The following RADIL variants were observed in gnomAD, a reference collection of about 807,000 sequenced individuals.
RADIL encodes the protein ras-associating and dilute domain-containing protein.
Under a neutral mutation model 97.6 loss-of-function variants are expected in RADIL, and 99 were observed. The observed-to-expected ratio is 1.01, with a 90% CI of 0.86 to 1.20. The LOEUF (loss-of-function observed/expected upper bound fraction) is 1.20, where lower values mean the gene tolerates loss of function less well. Among genes scored for constraint, RADIL ranks in the 50% most tolerant of loss-of-function variants. RADIL has a pLI of 0.00. For missense variants in RADIL, 1,765 were observed against 1,498.9 expected, an observed-to-expected ratio of 1.18 and a Z score of -2.93; for synonymous variants, 803 against 691.8, an observed-to-expected ratio of 1.16 and a Z score of -2.52.
chr7:4,843,988 A>G (rs575141046), intron 2 of RADIL, among the ~76,000 whole-genome samples: 9 of 152,016 alleles, frequency 5.9e-5, no homozygotes, highest in Non-Finnish European at 1.2e-4. Flanking sequence ...TTTGGGAACC[A>G]ATTCTGCCAT....
rs977167806 is a variant in RADIL at position 4,810,073 on chromosome 7, G to A, written c.2140-4357C>T. Among the ~76,000 whole-genome samples, 7 of 152,090 alleles carry A rather than the reference G, an allele frequency of 4.6e-5. No individual in the cohort carries two copies. The East Asian group carries it at 1.3e-3, about 29-fold the overall frequency. ...TTTCAGTGGTGGCCAGGCTGGTCTC[G>A]AACTCCTGACCTCAGGTGATCCACC... is the stretch of plus-strand genomic sequence containing the variant. On this transcript the variant is annotated intron_variant, in intron 9 of 14. Coordinates refer to ENST00000399583, the MANE Select transcript of RADIL (RefSeq NM_018059.5).
At chr7:4,800,879 AG>A (rs887780111) in intron 12 of RADIL, among the ~76,000 whole-genome samples, 15 of 152,202 alleles carry the variant, frequency 9.9e-5, no homozygotes, top group African/African-American at 3.6e-4. Flanking sequence ...CCCAAGCCAC[AG>A]GGGACACTCT....
At chr7:4,875,251 C>T (rs1045502919) in intron 2 of RADIL, among the ~76,000 whole-genome samples, 17 of 122,376 alleles carry the variant, frequency 1.4e-4, no homozygotes, top group Middle Eastern at 7.2e-3. Context: ...ATTAGCCGGG[C>T]GTGGTGGTGG....
chr7:4,844,547 T>TAATTAAC (rs1783524347), intron 2 of RADIL, among the ~76,000 whole-genome samples: 1 of 152,222 alleles, frequency 6.6e-6, no homozygotes, highest in Non-Finnish European at 1.5e-5. Context: ...AAAATTATTA[T>TAATTAAC]AATTAACAAG....
At chr7:4,859,975 G>T (rs750136773) in intron 2 of RADIL, 40 of 1,613,898 alleles carry the variant, frequency 2.5e-5, no homozygotes, top group Non-Finnish European at 3.2e-5. Context: ...AAACAACTCT[G>T]GCGACCATGG....
chr7:4,853,073 A>T (rs4724112), intron 2 of RADIL, among the ~76,000 whole-genome samples: 2 of 151,836 alleles, frequency 1.3e-5, no homozygotes, highest in Non-Finnish European at 1.5e-5. Context: ...TAAGAGGATG[A>T]GACTGGGGGA....
rs866583276 is a variant in RADIL, at chr7:4,856,708, T to G, written c.536-20103A>C. 2.6e-5 allele frequency among the ~76,000 whole-genome samples: 4 copies of G among 152,268 alleles called. 1 individual carries two copies. The highest frequency in any genetic ancestry group is 2.1e-4 in the South Asian group (1 of 4,830). On this transcript the variant is annotated intron_variant, in intron 2 of 14. Transcript: ENST00000399583. ...TACTTTGAAGTATGTTAAATATTAC[T>G]TTTGATATAGCAAGAGGTTAATTTT...
Position 4,860,683 on chromosome 7 carries a change from A to G in RADIL, c.535+16922T>C, listed in dbSNP as rs367652212. On this transcript the variant is annotated intron_variant, in intron 2 of 14. Coordinates refer to ENST00000399583, the MANE Select transcript of RADIL (RefSeq NM_018059.5). ...CTGTTGATGCACTTGCCAGAAGTAC[A>G]ATATAATGCTTGTACTTTTGAAAGA... 1.7e-5 allele frequency: 28 copies of G among 1,614,098 alleles called. No individual in the cohort carries two copies. In the East Asian group the frequency reaches 1.8e-4, roughly 10 times the overall value.
In RADIL at chr7:4,875,739, C is replaced by G. The variant is rs79870519; in HGVS notation, c.535+1866G>C. On this transcript the variant is annotated intron_variant, in intron 2 of 14. Transcript: ENST00000399583. ...TTGTTCCCGTGCAGAAAACATCCCA[C>G]CATGCGCCTCCTCCCTTTCGGGTTT... Among the ~76,000 whole-genome samples, 85 of 152,336 alleles carry G rather than the reference C, an allele frequency of 5.6e-4. No homozygotes were observed. The East Asian group carries it at 0.014, about 25-fold the overall frequency.
At chr7:4,881,308 G>A (rs1247921836) in intron 1 of RADIL, among the ~76,000 whole-genome samples, 1 of 151,192 alleles carries the variant, frequency 6.6e-6, no homozygotes, top group Admixed American at 6.6e-5. Flanking sequence ...CCAGCTACTC[G>A]GGAGGCTGAG....
intron 2 of RADIL, among the ~76,000 whole-genome samples, chr7:4,839,644 T>G (rs1471233269): frequency 1.3e-5 from 2 of 152,216 alleles, no homozygotes; most frequent in East Asian, 3.8e-4. Flanking sequence ...TTCATTTTTT[T>G]AAACTCTAAA....
chr7:4,856,186 C>T (rs960318946), intron 2 of RADIL, among the ~76,000 whole-genome samples: 1 of 152,058 alleles, frequency 6.6e-6, no homozygotes. Flanking sequence ...CAACCTTCAC[C>T]TCCTGGGTTC....
chr7:4,809,170 T>G (rs1294941572), intron 9 of RADIL: 9 of 984,864 alleles, frequency 9.1e-6, no homozygotes, highest in African/African-American at 1.8e-5. Context: ...GGAAGACCCC[T>G]GGCGCTGTCC....
At chr7:4,828,040 C>G (rs778511875) in intron 5 of RADIL, among the ~76,000 whole-genome samples, 3 of 152,198 alleles carry the variant, frequency 2.0e-5, no homozygotes, top group Non-Finnish European at 2.9e-5. Context: ...CCACCTCACT[C>G]CTGTTAGAAT....
chr7:4,805,983 G>A (rs768879137), intron 9 of RADIL: 556 of 985,428 alleles, frequency 5.6e-4, no homozygotes, highest in Non-Finnish European at 6.3e-4. Context: ...AGCAAGGGCC[G>A]GCCTCACAGG....
intron 2 of RADIL, among the ~76,000 whole-genome samples, chr7:4,848,157 A>G (rs1783620745): frequency 6.6e-6 from 1 of 150,796 alleles, no homozygotes; most frequent in African/African-American, 2.4e-5. Flanking sequence ...CTGAGATCAC[A>G]CCACTGCACT....
intron 13 of RADIL, 125 bp downstream of exon 13, chr7:4,800,046 C>T (rs1247442394): frequency 7.2e-7 from 1 of 1,380,616 alleles, no homozygotes; most frequent in Non-Finnish European, 9.6e-7. Flanking sequence ...CAGAGGCCAA[C>T]CCCACTCTCC....
chr7:4,822,943 T>A lies in RADIL; in HGVS notation c.1455-389A>T, dbSNP rs1052528062. 1.3e-5 allele frequency among the ~76,000 whole-genome samples: 2 copies of A among 152,074 alleles called. No individual in the cohort carries two copies. Among genetic ancestry groups the A allele is most frequent in the African/African-American group, 4.8e-5 (2 of 41,404 alleles). ...CATGGGGGTGGGGGCTGGTCCATGGTTTTCAGAACAAGAAATGTCAGTTCC... is the reference window on the plus strand; with the variant it reads ...CATGGGGGTGGGGGCTGGTCCATGGATTTCAGAACAAGAAATGTCAGTTCC... On this transcript the variant is annotated intron_variant, in intron 5 of 14. Transcript: ENST00000399583. This position sits in a 1 kb window ranked among gnomAD's most constrained non-coding sequence, Gnocchi z 5.3.
intron 9 of RADIL, among the ~76,000 whole-genome samples, chr7:4,812,720 CCTCTTATTCAA>C (rs1446545064): frequency 3.9e-5 from 6 of 152,208 alleles, no homozygotes; most frequent in Non-Finnish European, 8.8e-5. Context: ...CCACACCCAG[CCTCTTATTCAA>C]CTTTTCAAAG....
Sources: allele counts gnomAD v4.1 joint callset (sites outside exome capture counted in the v4.1 genomes callset), GRCh38; gene constraint gnomAD v4.1.1; non-coding constraint Gnocchi (gnomAD v3.1); transcripts MANE v1.5; gene names NCBI Gene and HGNC (gene_info 2026-07-23, HGNC 2026-07-21).